LAMA2: variants seen among roughly 807,000 people sequenced by gnomAD.
LAMA2 encodes the protein laminin subunit alpha-2.
Under a neutral mutation model 364.8 loss-of-function variants are expected in LAMA2, and 269 were observed. That is an observed-to-expected ratio of 0.74 (90% CI 0.67 to 0.82). The LOEUF (loss-of-function observed/expected upper bound fraction) is 0.82. Ranked by LOEUF, LAMA2 falls within the 40% of genes least tolerant of loss-of-function variation. The probability of loss-of-function intolerance (pLI) is 0.00; values close to 1 mark genes in which losing one functional copy is unlikely to be tolerated. For synonymous variants in LAMA2, 1,379 were observed against 1,370.6 expected, an observed-to-expected ratio of 1.01 and a Z score of -0.14; for missense variants, 3,807 against 3,873.2, an observed-to-expected ratio of 0.98 and a Z score of 0.45.
At chr6:128,975,944 A>C (rs1782503677) in intron 1 of LAMA2, among the ~76,000 whole-genome samples, 1 of 152,010 alleles carries the variant, frequency 6.6e-6, no homozygotes. Flanking sequence ...AAAGACAAGC[A>C]AGAAGCAGAT....
rs1360796756 is a variant in LAMA2, at chr6:128,883,351, C to G, written c.106C>G (p.Gln36Glu). The G allele has an allele frequency of 6.3e-7, 1 of 1,595,528 alleles. No homozygotes were observed. Among genetic ancestry groups the G allele is most frequent in the Non-Finnish European group, 8.5e-7 (1 of 1,171,312 alleles). The change falls in exon 1 of 65, where the codon CAA (glutamine) becomes GAA (glutamate). Residue 36 changes from glutamine (Q) to glutamate (E), a missense_variant. Gln to Glu is a conservative substitution (Grantham distance 29). This residue lies in a region of LAMA2 where 394 missense variants were observed against 403.5 expected (regional missense o/e 0.98). Transcript: ENST00000421865. ...GCAGCGGCAGTCACAGGCACATCAGCAAAGAGGTACAGTCGAGGCATGGGC... is the reference window on the plus strand; with the variant it reads ...GCAGCGGCAGTCACAGGCACATCAGGAAAGAGGTACAGTCGAGGCATGGGC... ...QQQRQSQAHQ[Q>E]RGLFPAVLNL...
At chr6:129,184,626 C>G (rs558721660) in intron 10 of LAMA2, among the ~76,000 whole-genome samples, 60 of 151,950 alleles carry the variant, frequency 3.9e-4, no homozygotes, top group African/African-American at 1.4e-3. Context: ...CCCCTACCTA[C>G]CCCTGATGTC....
At chr6:129,233,947 T>C (rs1462317906) in intron 12 of LAMA2, among the ~76,000 whole-genome samples, 1 of 152,206 alleles carries the variant, frequency 6.6e-6, no homozygotes, top group Admixed American at 6.5e-5. Flanking sequence ...TGAAAAATGT[T>C]GTGAGACAAA....
intron 12 of LAMA2, among the ~76,000 whole-genome samples, chr6:129,234,423 T>A (rs1562362608): frequency 6.6e-6 from 1 of 152,146 alleles, no homozygotes; most frequent in Non-Finnish European, 1.5e-5. Flanking sequence ...TTTCTTGAGT[T>A]TTTTACTTAT....
chr6:129,174,066 G>T (rs1056355726), intron 9 of LAMA2, among the ~76,000 whole-genome samples: 1 of 151,954 alleles, frequency 6.6e-6, no homozygotes, highest in South Asian at 2.1e-4. Context: ...AGCTGTCAAA[G>T]TTCAGGTAAA....
intron 1 of LAMA2, among the ~76,000 whole-genome samples, chr6:128,997,992 A>G (rs1784100038): frequency 6.6e-6 from 1 of 152,068 alleles, no homozygotes; most frequent in African/African-American, 2.4e-5. Flanking sequence ...GGTGATGGAT[A>G]GGAGAAAGGA....
intron 1 of LAMA2, among the ~76,000 whole-genome samples, chr6:128,958,871 TATTTAAACAACTATAACTTA>T (rs980801972): frequency 2.6e-5 from 4 of 152,158 alleles, no homozygotes; most frequent in African/African-American, 9.7e-5. Flanking sequence ...AAAAATAATA[TATTTAAACAACTATAACTTA>T]ATTTAAACAT....
intron 58 of LAMA2, among the ~76,000 whole-genome samples, chr6:129,501,935 C>G (rs1785674627): frequency 6.6e-6 from 1 of 152,168 alleles, no homozygotes; most frequent in Admixed American, 6.5e-5. Flanking sequence ...TGCAGGGCCC[C>G]TCACTGAAAA....
At chr6:129,304,776 C>A (rs879625605) in intron 22 of LAMA2, among the ~76,000 whole-genome samples, 1 of 152,116 alleles carries the variant, frequency 6.6e-6, no homozygotes, top group Non-Finnish European at 1.5e-5. Flanking sequence ...GGGGAATTTT[C>A]AAGGTATCGT....
intron 10 of LAMA2, among the ~76,000 whole-genome samples, chr6:129,184,282 A>G (rs1781103029): frequency 6.6e-6 from 1 of 151,984 alleles, no homozygotes; most frequent in Admixed American, 6.6e-5. Flanking sequence ...TTCAATGTGT[A>G]CATTTAATCC....
intron 58 of LAMA2, among the ~76,000 whole-genome samples, chr6:129,498,535 C>T (rs1193054760): frequency 1.3e-5 from 2 of 152,174 alleles, no homozygotes; most frequent in African/African-American, 4.8e-5. Context: ...TCTCAATAAA[C>T]ATCTTGAGTA....
chr6:129,243,500 T>C (rs1785527006), intron 12 of LAMA2, among the ~76,000 whole-genome samples: 1 of 151,744 alleles, frequency 6.6e-6, no homozygotes, highest in Non-Finnish European at 1.5e-5. Flanking sequence ...AGAAAAAATA[T>C]GAGTGAGTAA....
chr6:128,923,720 A>G (rs546919962), intron 1 of LAMA2, among the ~76,000 whole-genome samples: 53 of 152,294 alleles, frequency 3.5e-4, no homozygotes, highest in African/African-American at 1.2e-3. Context: ...AGTCTGATTG[A>G]TGCTAAGCCA....
chr6:129,503,085 TCA>T lies in LAMA2; in HGVS notation c.8358-3_8358-2del, dbSNP rs1015023996. 7.4e-6 allele frequency: 12 copies of T among 1,613,614 alleles called. No homozygotes were observed. The African/African-American group carries it at 8.0e-5, about 11-fold the overall frequency. On this transcript the variant is annotated splice_polypyrimidine_tract_variant and splice_region_variant and intron_variant, in intron 59 of 64. Coordinates refer to ENST00000421865, the MANE Select transcript of LAMA2 (RefSeq NM_000426.4). ...CTGTTTGACTTTGCATGCTTTTGTT[TCA>T]CAGTCTCACAATTGAGTTGGAAGTA... is the stretch of plus-strand genomic sequence containing the variant.
At chr6:129,415,589 T>C (rs1562543186) in intron 40 of LAMA2, among the ~76,000 whole-genome samples, 1 of 152,084 alleles carries the variant, frequency 6.6e-6, no homozygotes. Context: ...CTCATGCCGG[T>C]AATCCCAGCA....
At position 129,514,490 on chromosome 6, in the gene LAMA2, C is replaced by CG; in HGVS notation, c.9107dup (p.Ile3037HisfsTer2). 6.2e-7 allele frequency: 1 copy of CG among 1,614,040 alleles called. No homozygotes were observed. Among genetic ancestry groups the CG allele is most frequent in the Non-Finnish European group, 8.5e-7 (1 of 1,179,958 alleles). ...AGTCACTGCCAACAAGATCAAACAC[C>CG]GCATTGAGCTCACAGTCGATGGGAA... is the stretch of plus-strand genomic sequence containing the variant. On this transcript the variant is annotated frameshift_variant, in exon 64 of 65. Coordinates refer to ENST00000421865, the MANE Select transcript of LAMA2 (RefSeq NM_000426.4). LOFTEE classifies it high-confidence loss of function.
chr6:129,154,700 C>G lies in LAMA2; in HGVS notation c.1206+17C>G. On this transcript the variant is annotated intron_variant, in intron 8 of 64. Coordinates refer to ENST00000421865, the MANE Select transcript of LAMA2 (RefSeq NM_000426.4). Reference sequence around the variant, plus strand: ...CCCAAAGGGGTAAAGTATGCTTTTTCTTTCATAAAGAGTTATTTTTTTGCT... The same window carrying G: ...CCCAAAGGGGTAAAGTATGCTTTTTGTTTCATAAAGAGTTATTTTTTTGCT... 1 of 1,606,388 alleles carries G rather than the reference C, an allele frequency of 6.2e-7. No homozygotes were observed. The highest frequency in any genetic ancestry group is 2.2e-5 in the East Asian group (1 of 44,826).
intron 62 of LAMA2, among the ~76,000 whole-genome samples, chr6:129,511,091 T>G (rs1248816706): frequency 6.6e-6 from 1 of 152,148 alleles, no homozygotes; most frequent in East Asian, 1.9e-4. Context: ...AGAAAATTAC[T>G]CACTTCCTCT....
At chr6:129,421,331 G>A (rs1307439956) in intron 40 of LAMA2, among the ~76,000 whole-genome samples, 1 of 151,196 alleles carries the variant, frequency 6.6e-6, no homozygotes, top group Admixed American at 6.6e-5. Context: ...ATATCCATAT[G>A]TATGAATATA....
Sources: gnomAD v4.1 joint callset for allele counts (sites outside exome capture counted in the v4.1 genomes callset) on GRCh38, gnomAD v4.1.1 for gene constraint, gnomAD v4.1.1 regional missense constraint, MANE v1.5 for transcripts, NCBI Gene and HGNC (gene_info 2026-07-23, HGNC 2026-07-21) for gene names.